Variants in IFT52 observed in about 807,000 individuals in gnomAD.
IFT52 encodes the protein intraflagellar transport 52.
Under a neutral mutation model 54.4 loss-of-function variants are expected in IFT52, and 44 were observed. That is an observed-to-expected ratio of 0.81 (90% confidence interval 0.63 to 1.04). The LOEUF (loss-of-function observed/expected upper bound fraction) is 1.04. IFT52 is among the 50% of genes least tolerant of loss of function. IFT52 has a pLI of 0.00. For missense variants in IFT52, 452 were observed against 523.6 expected (o/e 0.86, Z 1.33); for synonymous variants, 181 against 185.3 (o/e 0.98, Z 0.19).
Position 43,646,391 on chromosome 20 carries a change from T to A in IFT52, c.1267-545T>A, listed in dbSNP as rs536517065. 3.3e-3 allele frequency among the ~76,000 whole-genome samples: 503 copies of A among 152,194 alleles called. 3 individuals are homozygous for A. Among genetic ancestry groups the A allele is most frequent in the South Asian group, 6.0e-3 (29 of 4,822 alleles). On this transcript the variant is annotated intron_variant, in intron 13 of 13. Coordinates refer to ENST00000373030, the MANE Select transcript of IFT52 (RefSeq NM_016004.5). ...GCTGTGCCGGATGCTCATTTGGCAG[T>A]GTTTTACTCTCCACGTCTAGCATGG...
intron 3 of IFT52, among the ~76,000 whole-genome samples, chr20:43,601,243 T>A: frequency 6.6e-6 from 1 of 152,156 alleles, no homozygotes; most frequent in Non-Finnish European, 1.5e-5. Flanking sequence ...TTTAAATGCC[T>A]CCACTGAGAG....
At chr20:43,636,136 C>A in intron 11 of IFT52, 123 bp downstream of exon 11, 1 of 843,202 alleles carries the variant, frequency 1.2e-6, no homozygotes, top group Non-Finnish European at 1.9e-6. Context: ...AGTCATAGTG[C>A]TCTGTCTCTA....
At chr20:43,624,069 C>G (rs2145642546) in intron 10 of IFT52, 24 bp downstream of exon 10, 1 of 1,610,536 alleles carries the variant, frequency 6.2e-7, no homozygotes, top group South Asian at 1.1e-5. Flanking sequence ...GGCCTCTGAG[C>G]CACACTGCAC....
chr20:43,604,178 C>G lies in IFT52; in HGVS notation c.338-5C>G, dbSNP rs761629125. On this transcript the variant is annotated splice_polypyrimidine_tract_variant and splice_region_variant and intron_variant, in intron 4 of 13. Transcript: ENST00000373030. ...AATATACCTCCTTCTCTTTTTCCCT[C>G]ATAGATGCTGTGGTTAGAAATGTAT... The G allele has an allele frequency of 6.3e-7, 1 of 1,595,622 alleles. No homozygotes were observed. The highest frequency in any genetic ancestry group is 1.3e-5 in the African/African-American group (1 of 74,522).
chr20:43,640,053 A>G (rs1366194867), intron 12 of IFT52, among the ~76,000 whole-genome samples: 1 of 151,636 alleles, frequency 6.6e-6, no homozygotes, highest in Non-Finnish European at 1.5e-5. Flanking sequence ...AGTACCAGCT[A>G]CTCAGGAGGC....
chr20:43,620,330 G>A (rs1016869309), intron 8 of IFT52, among the ~76,000 whole-genome samples: 1 of 152,138 alleles, frequency 6.6e-6, no homozygotes, highest in Non-Finnish European at 1.5e-5. Context: ...AGAGGTTAGG[G>A]TGCTTAAAGA....
intron 3 of IFT52, among the ~76,000 whole-genome samples, chr20:43,600,906 G>A (rs544820447): frequency 7.1e-4 from 108 of 152,168 alleles, no homozygotes; most frequent in African/African-American, 2.5e-3. Context: ...AGGAGGCGAA[G>A]TTTGCAGTGA....
chr20:43,641,855 G>A (rs954473194), intron 12 of IFT52, among the ~76,000 whole-genome samples: 3 of 150,934 alleles, frequency 2.0e-5, no homozygotes, highest in Non-Finnish European at 2.9e-5. Context: ...GTGCAGTGGC[G>A]CAATCTCTGT....
At chr20:43,605,241 A>T in intron 6 of IFT52, 168 bp downstream of exon 6, 1 of 1,404,620 alleles carries the variant, frequency 7.1e-7, no homozygotes, top group South Asian at 1.4e-5. Flanking sequence ...CTCCCCCTGA[A>T]GGTAGTCTTA....
rs184956366 is a variant in IFT52 at position 43,608,962 on chromosome 20, G to T, written c.485+3889G>T. On this transcript the variant is annotated intron_variant, in intron 6 of 13. Transcript: ENST00000373030. The stretch of plus-strand genomic sequence containing the variant: ...AATAAAATAATGTGATTGGCTGTGT[G>T]CAGTGGCTCACACCTATAATCCCAG... Among the ~76,000 whole-genome samples, 81 of 151,670 alleles carry T rather than the reference G, an allele frequency of 5.3e-4. 1 individual carries two copies. Among genetic ancestry groups the T allele is most frequent in the African/African-American group, 1.8e-3 (75 of 41,344 alleles).
intron 13 of IFT52, among the ~76,000 whole-genome samples, chr20:43,645,843 T>G (rs1225508820): frequency 2.1e-5 from 1 of 47,266 alleles, no homozygotes; most frequent in Non-Finnish European, 4.8e-5. Flanking sequence ...CCATCCAGGG[T>G]GATAGAGTGA....
intron 6 of IFT52, among the ~76,000 whole-genome samples, chr20:43,607,385 C>T (rs1189923848): frequency 6.0e-5 from 9 of 149,864 alleles, no homozygotes; most frequent in South Asian, 2.1e-4. Context: ...GGGTGGCTGC[C>T]GGGCGGAGGG....
chr20:43,609,274 T>C (rs1019573125), intron 6 of IFT52, among the ~76,000 whole-genome samples: 1 of 152,024 alleles, frequency 6.6e-6, no homozygotes, highest in Admixed American at 6.6e-5. Context: ...AGTTCAGAAA[T>C]AGTTTTAAAA....
At chr20:43,613,826 ATG>A (rs781302097) in intron 6 of IFT52, 22 bp from the exon 7 acceptor site, 1 of 1,597,710 alleles carries the variant, frequency 6.3e-7, no homozygotes, top group East Asian at 2.2e-5. Context: ...TAAAATTTGA[ATG>A]TGTTTCTTTA....
intron 10 of IFT52, among the ~76,000 whole-genome samples, chr20:43,632,611 C>G (rs1479364803): frequency 6.6e-6 from 1 of 152,154 alleles, no homozygotes; most frequent in African/African-American, 2.4e-5. Flanking sequence ...CTCCCCTCCC[C>G]CTACAATGTA....
chr20:43,602,521 G>A (rs547370866), intron 3 of IFT52, among the ~76,000 whole-genome samples: 73 of 151,534 alleles, frequency 4.8e-4, no homozygotes, highest in African/African-American at 1.7e-3. Context: ...GTTGTGTTTC[G>A]TTTTTGAGAT....
chr20:43,607,530 C>T (rs1442917450), intron 6 of IFT52, among the ~76,000 whole-genome samples: 8 of 145,762 alleles, frequency 5.5e-5, no homozygotes, highest in Non-Finnish European at 7.5e-5. Flanking sequence ...ACATCCCAGA[C>T]GGGGCGGCGT....
chr20:43,634,214 G>A (rs1985369917), intron 10 of IFT52, among the ~76,000 whole-genome samples: 2 of 149,638 alleles, frequency 1.3e-5, no homozygotes, highest in Non-Finnish European at 1.5e-5. Flanking sequence ...GTGCATAAAT[G>A]AAAAAAAAAA....
Position 43,605,077 on chromosome 20 carries a change from A to T in IFT52, c.485+4A>T, listed in dbSNP as rs1982752515. On this transcript the variant is annotated splice_donor_region_variant and intron_variant, in intron 6 of 13. Transcript: ENST00000373030. ...AAAGCAGTGGAAACAATGCCCAGTG[A>T]GTGTGTTTTCTGATGCCACATGAGG... The T allele has an allele frequency of 5.6e-6, 9 of 1,613,060 alleles. No individual in the cohort carries two copies. Among genetic ancestry groups the T allele is most frequent in the Non-Finnish European group, 7.6e-6 (9 of 1,179,718 alleles).
Sources: gnomAD v4.1 joint callset for allele counts (sites outside exome capture counted in the v4.1 genomes callset) on GRCh38, gnomAD v4.1.1 for gene constraint, MANE v1.5 for transcripts, NCBI Gene and HGNC (gene_info 2026-07-23, HGNC 2026-07-21) for gene names.